The following PCDHGB2 variants were observed in gnomAD, a reference collection of about 807,000 sequenced individuals.
PCDHGB2 encodes protocadherin gamma subfamily B, 2, also known as protocadherin gamma-B2.
In PCDHGB2, 55 loss-of-function variants were observed where a neutral mutation model predicts 59.3. The observed-to-expected ratio is 0.93, with a 90% confidence interval of 0.75 to 1.16. The LOEUF (loss-of-function observed/expected upper bound fraction) is 1.16, where lower values mean the gene tolerates loss of function less well. Ranked by LOEUF, PCDHGB2 falls within the 50% of genes most tolerant of loss-of-function variation. The pLI, the probability that PCDHGB2 is intolerant of heterozygous loss-of-function variation, is 0.00. For synonymous variants in PCDHGB2, 516 were observed against 512.0 expected, an observed-to-expected ratio of 1.01 and a Z score of -0.11; for missense variants, 1,228 against 1,198.5, an observed-to-expected ratio of 1.02 and a Z score of -0.36.
rs185055424 is a variant in PCDHGB2, at chr5:141,457,894, G to A, written c.2422-36913G>A. Among the ~76,000 whole-genome samples the A allele has an allele frequency of 3.2e-3, 488 of 152,332 alleles. 1 individual carries two copies. Among genetic ancestry groups the A allele is most frequent in the Non-Finnish European group, 5.0e-3 (342 of 68,028 alleles). On this transcript the variant is annotated intron_variant, in intron 1 of 3. Transcript: ENST00000522605. ...GTTAGGAACCCTGTGTGGGGACTGT[G>A]TAGACAAGGTGTGAGGCCAGTTCTC...
rs1348785166 is a variant in PCDHGB2, at chr5:141,431,381, C to T, written c.2422-63426C>T. On this transcript the variant is annotated intron_variant, in intron 1 of 3. Coordinates refer to ENST00000522605, the MANE Select transcript of PCDHGB2 (RefSeq NM_018923.3). The surrounding 1 kb of genome is among the most constrained non-coding windows in gnomAD (Gnocchi z 4.8). Reference sequence around the variant, plus strand: ...CCTGGACCGCGAAGAAAAGGCTGCTCACCACCTGGTCCTTACGGCCTCCGA... The same window carrying T: ...CCTGGACCGCGAAGAAAAGGCTGCTTACCACCTGGTCCTTACGGCCTCCGA... 1.2e-6 allele frequency: 2 copies of T among 1,613,940 alleles called. No homozygotes were observed. Among genetic ancestry groups the T allele is most frequent in the Non-Finnish European group, 1.7e-6 (2 of 1,180,042 alleles).
At chr5:141,372,541 G>A (rs376822583) in intron 1 of PCDHGB2, 28 of 1,613,862 alleles carry the variant, frequency 1.7e-5, no homozygotes, top group Non-Finnish European at 2.0e-5. Flanking sequence ...CTGCGCCTGC[G>A]ATGCTCCTCC....
chr5:141,367,760 C>T (rs1765322147), intron 1 of PCDHGB2: 1 of 152,102 alleles, frequency 6.6e-6, no homozygotes, highest in Non-Finnish European at 1.5e-5. Flanking sequence ...TACTGCTGCA[C>T]TCAATAAATG....
intron 1 of PCDHGB2, among the ~76,000 whole-genome samples, chr5:141,460,959 A>ATG (rs1248175237): frequency 7.9e-6 from 1 of 126,082 alleles, no homozygotes; most frequent in Non-Finnish European, 1.6e-5. Flanking sequence ...ATGTATATAT[A>ATG]TATGTGTGTG....
At chr5:141,392,776 C>T in intron 1 of PCDHGB2, 1 of 1,526,772 alleles carries the variant, frequency 6.5e-7, no homozygotes, top group African/African-American at 1.4e-5. Flanking sequence ...CATTTATGCA[C>T]AGTGAAGATT....
At chr5:141,378,114 A>T (rs1024564517) in intron 1 of PCDHGB2, 1 of 152,284 alleles carries the variant, frequency 6.6e-6, no homozygotes, top group African/African-American at 2.4e-5. Flanking sequence ...CAGCATAGTG[A>T]ACACGTATTT....
intron 1 of PCDHGB2, among the ~76,000 whole-genome samples, chr5:141,369,231 A>T (rs1421250665): frequency 1.3e-5 from 2 of 152,188 alleles, no homozygotes; most frequent in Non-Finnish European, 2.9e-5. Context: ...GGACAGGAAG[A>T]TTACTTATAT....
In PCDHGB2 at chr5:141,486,143, G is replaced by T; in HGVS notation, c.2422-8664G>T. On this transcript the variant is annotated intron_variant, in intron 1 of 3. Coordinates refer to ENST00000522605, the MANE Select transcript of PCDHGB2 (RefSeq NM_018923.3). This position sits in a 1 kb window ranked among gnomAD's most constrained non-coding sequence, Gnocchi z 5.0. ...CTATGAATTTGATGTGCGGGCTCGC[G>T]ATGGGGGTTCTCCAGCCATGGAGCA... 6.2e-7 allele frequency: 1 copy of T among 1,614,198 alleles called. No homozygotes were observed. Among genetic ancestry groups the T allele is most frequent in the Non-Finnish European group, 8.5e-7 (1 of 1,180,030 alleles).
intron 1 of PCDHGB2, among the ~76,000 whole-genome samples, chr5:141,443,667 C>G (rs62379164): frequency 0.042 from 6,382 of 152,210 alleles, 168 homozygotes; most frequent in Middle Eastern, 0.088. Flanking sequence ...TTTTACTGAA[C>G]TAGTAGTTTA....
At chr5:141,424,720 G>A (rs530298674) in intron 1 of PCDHGB2, 4 of 152,090 alleles carry the variant, frequency 2.6e-5, no homozygotes, top group Non-Finnish European at 4.4e-5. Flanking sequence ...GTGTAGTTGG[G>A]AGTCATAGAT....
At chr5:141,364,886 A>G (rs1181797677) in intron 1 of PCDHGB2, 2 of 1,614,024 alleles carry the variant, frequency 1.2e-6, no homozygotes. Context: ...GGTAAGCGGA[A>G]CTGATGGACA....
chr5:141,372,000 G>C (rs762846056), intron 1 of PCDHGB2: 3 of 1,613,268 alleles, frequency 1.9e-6, no homozygotes, highest in Middle Eastern at 1.7e-4. Context: ...GCAGGCCCGC[G>C]ACCAGGGCTC....
intron 1 of PCDHGB2, chr5:141,372,856 A>T (rs1769134013): frequency 6.9e-7 from 1 of 1,445,570 alleles, no homozygotes; most frequent in Admixed American, 2.4e-5. Flanking sequence ...TTGGGTTTCA[A>T]TTCATTGATT....
At chr5:141,371,647 A>G (rs759543088) in intron 1 of PCDHGB2, 2 of 1,614,044 alleles carry the variant, frequency 1.2e-6, no homozygotes, top group South Asian at 1.1e-5. Flanking sequence ...ATCCCAGAAT[A>G]CAATGTGACG....
Position 141,432,436 on chromosome 5 carries a change from G to A in PCDHGB2, c.2422-62371G>A, listed in dbSNP as rs753833603. On this transcript the variant is annotated intron_variant, in intron 1 of 3. Coordinates refer to ENST00000522605, the MANE Select transcript of PCDHGB2 (RefSeq NM_018923.3). The surrounding 1 kb of genome is among the most constrained non-coding windows in gnomAD (Gnocchi z 6.0). ...TCGTGCTGGACCAGAACGACAATGC[G>A]CCCGAGATCCTGTACCCCGCCCTCC... The A allele has an allele frequency of 4.3e-6, 7 of 1,614,196 alleles. No homozygotes were observed. The highest frequency in any genetic ancestry group is 1.1e-5 in the South Asian group (1 of 91,084).
Position 141,398,413 on chromosome 5 carries a change from T to C in PCDHGB2, c.2421+35857T>C, listed in dbSNP as rs774602022. On this transcript the variant is annotated intron_variant, in intron 1 of 3. Transcript: ENST00000522605. ...CAGCAGGCTAGACAGGGAGGAGATA[T>C]GCGGGAAGAAGCCAGCTTGTGCTCT... 7.0e-5 allele frequency: 104 copies of C among 1,490,692 alleles called. 1 individual carries two copies. Among genetic ancestry groups the C allele is most frequent in the Middle Eastern group, 6.1e-4 (3 of 4,950 alleles). The allele number at this position is 1,490,692 out of a possible 1,614,324, so 92.3% of individuals were successfully genotyped here.
intron 1 of PCDHGB2, chr5:141,365,993 C>T (rs1267153888): frequency 6.2e-7 from 1 of 1,614,110 alleles, no homozygotes; most frequent in Non-Finnish European, 8.5e-7. Context: ...TGTGCTGGAC[C>T]AGAACGACAA....
chr5:141,404,550 C>A (rs372202008), intron 1 of PCDHGB2: 3 of 1,613,768 alleles, frequency 1.9e-6, no homozygotes, highest in Admixed American at 1.7e-5. Flanking sequence ...ATGCAGGTGA[C>A]GGCAAGTGAC....
intron 1 of PCDHGB2, among the ~76,000 whole-genome samples, chr5:141,407,707 G>C (rs894295431): frequency 1.3e-5 from 2 of 151,964 alleles, no homozygotes; most frequent in South Asian, 4.1e-4. Flanking sequence ...TTGAAGGTGG[G>C]GTGATGGCTA....
Sources: gnomAD v4.1 joint callset for allele counts (sites outside exome capture counted in the v4.1 genomes callset) on GRCh38, gnomAD v4.1.1 for gene constraint, Gnocchi (gnomAD v3.1) non-coding constraint, MANE v1.5 for transcripts, NCBI Gene and HGNC (gene_info 2026-07-23, HGNC 2026-07-21) for gene names.